PAICS: variants seen among roughly 807,000 people sequenced by gnomAD.
PAICS encodes the protein bifunctional phosphoribosylaminoimidazole carboxylase/phosphoribosylaminoimidazole succinocarboxamide synthetase.
PAICS carries 33 observed loss-of-function variants against 53.7 expected under a neutral mutation model. The observed-to-expected ratio is 0.61, with a 90% CI of 0.47 to 0.82. The LOEUF is 0.82. Among genes scored for constraint, PAICS ranks in the 40% least tolerant of loss-of-function variants. PAICS has a pLI of 0.00. For missense variants in PAICS, 394 were observed against 494.1 expected, an observed-to-expected ratio of 0.80 and a Z score of 1.92; for synonymous variants, 141 against 167.2, an observed-to-expected ratio of 0.84 and a Z score of 1.21.
chr4:56,437,748 G>A (rs1718090884), intron 1 of PAICS, among the ~76,000 whole-genome samples: 1 of 145,264 alleles, frequency 6.9e-6, no homozygotes, highest in Non-Finnish European at 1.5e-5. Flanking sequence ...TTGAACCGGG[G>A]AGTCAGAGGC....
At chr4:56,452,316 C>A (rs1013808731) in intron 7 of PAICS, among the ~76,000 whole-genome samples, 1 of 152,042 alleles carries the variant, frequency 6.6e-6, no homozygotes, top group Non-Finnish European at 1.5e-5. Flanking sequence ...GTAGCTGGGA[C>A]TACAGGCGCC....
chr4:56,450,922 A>C, intron 6 of PAICS: 1 of 398,210 alleles, frequency 2.5e-6, no homozygotes, highest in East Asian at 4.7e-5. Flanking sequence ...GGTTCACGCC[A>C]TTCTCCTAGC....
the PAICS span, chr4:56,414,175 C>T: frequency 1.3e-4 from 20 of 152,324 alleles, no homozygotes; most frequent in East Asian, 3.9e-3. Flanking sequence ...GCCCTCCTTG[C>T]ACCAGGTTTG....
chr4:56,426,083 TA>T, the PAICS span, among the ~76,000 whole-genome samples: 1 of 152,200 alleles, frequency 6.6e-6, no homozygotes, highest in African/African-American at 2.4e-5. Flanking sequence ...TATCCCATTT[TA>T]GAACATTTTG....
Position 56,459,671 on chromosome 4 carries a change from T to C in PAICS, c.*133T>C, listed in dbSNP as rs1719405562. ...AAATGTATTAGTGAATAAATGCTTC[T>C]CTAGATCCATATTAATAAACATGAG... On this transcript the variant is annotated 3_prime_UTR_variant, in exon 9 of 9. Coordinates refer to ENST00000512576, the MANE Select transcript of PAICS (RefSeq NM_001079524.2). The C allele has an allele frequency of 3.1e-6, 2 of 639,634 alleles. No individual in the cohort carries two copies. Among genetic ancestry groups the C allele is most frequent in the African/African-American group, 1.8e-5 (1 of 54,726 alleles). The allele number at this position is 639,634 out of a possible 1,614,324, so 39.6% of individuals were successfully genotyped here.
At chr4:56,426,561 C>T in the PAICS span, among the ~76,000 whole-genome samples, 1 of 152,160 alleles carries the variant, frequency 6.6e-6, no homozygotes, top group Non-Finnish European at 1.5e-5. Flanking sequence ...TGTCTGGCTT[C>T]TTTTGTTTCA....
the PAICS span, among the ~76,000 whole-genome samples, chr4:56,424,163 C>T: frequency 1.3e-5 from 2 of 152,086 alleles, no homozygotes; most frequent in East Asian, 3.9e-4. Flanking sequence ...AAAACCAGTC[C>T]CCCAAAAGTA....
Position 56,448,405 on chromosome 4 carries a change from A to G in PAICS, c.394-13A>G. 15 of 1,548,310 alleles carry G rather than the reference A, an allele frequency of 9.7e-6. No individual in the cohort carries two copies. The highest frequency in any genetic ancestry group is 1.2e-5 in the Non-Finnish European group (14 of 1,141,228). ...AGATTGAAGTTAATTGTACTACTATACTTTATTCACAGGATGATGCCAATA... is the reference window on the plus strand; with the variant it reads ...AGATTGAAGTTAATTGTACTACTATGCTTTATTCACAGGATGATGCCAATA... On this transcript the variant is annotated splice_polypyrimidine_tract_variant and intron_variant, in intron 3 of 8. Transcript: ENST00000512576.
chr4:56,426,020 A>G, the PAICS span, among the ~76,000 whole-genome samples: 1 of 152,190 alleles, frequency 6.6e-6, no homozygotes, highest in Non-Finnish European at 1.5e-5. Flanking sequence ...TCACCCAACT[A>G]AAGCGTATAA....
the PAICS span, among the ~76,000 whole-genome samples, chr4:56,429,905 T>C: frequency 6.6e-6 from 1 of 152,204 alleles, no homozygotes; most frequent in Non-Finnish European, 1.5e-5. Flanking sequence ...GATTCACCCA[T>C]GACTTTACTC....
At chr4:56,427,507 T>C in the PAICS span, among the ~76,000 whole-genome samples, 2 of 152,046 alleles carry the variant, frequency 1.3e-5, no homozygotes, top group African/African-American at 4.8e-5. Flanking sequence ...TTAAACACAT[T>C]TTCAAATTTC....
At chr4:56,443,033 A>C (rs2110084090) in intron 2 of PAICS, among the ~76,000 whole-genome samples, 1 of 152,304 alleles carries the variant, frequency 6.6e-6, no homozygotes, top group South Asian at 2.1e-4. Context: ...GATCTTCCAG[A>C]GTTCCTAAGT....
chr4:56,455,056 C>G (rs1047367054), intron 8 of PAICS, among the ~76,000 whole-genome samples: 2 of 152,110 alleles, frequency 1.3e-5, no homozygotes, highest in African/African-American at 4.8e-5. Context: ...TACTCAGAGG[C>G]TGAGGTAGGA....
chr4:56,439,379 G>A (rs1045157428), intron 1 of PAICS, among the ~76,000 whole-genome samples: 2 of 152,188 alleles, frequency 1.3e-5, no homozygotes, highest in Non-Finnish European at 2.9e-5. Flanking sequence ...AAGGATTACA[G>A]GCGTGCACCA....
At chr4:56,434,149 C>G (rs1364358786), upstream of PAICS, among the ~76,000 whole-genome samples, 2 of 152,174 alleles carry the variant, frequency 1.3e-5, no homozygotes, top group Non-Finnish European at 2.9e-5. Flanking sequence ...AAGATTGGAG[C>G]TACGCAAGTT....
At chr4:56,437,033 G>T (rs1021655517) in intron 1 of PAICS, among the ~76,000 whole-genome samples, 2 of 152,142 alleles carry the variant, frequency 1.3e-5, no homozygotes, top group African/African-American at 2.4e-5. Flanking sequence ...GGGGGCGTGT[G>T]TGTAAGTAGT....
rs748286211 is a variant in PAICS, at chr4:56,446,868, T to C, written c.388T>C (p.Phe130Leu). The change falls in exon 3 of 9, where the codon TTC (phenylalanine) becomes CTC (leucine). Residue 130 changes from phenylalanine to leucine, a missense_variant. Physicochemically the swap from Phe to Leu is conservative, Grantham distance 22. This residue lies in a region of PAICS where 168 missense variants were observed against 199.3 expected (regional missense o/e 0.84). Coordinates refer to ENST00000512576, the MANE Select transcript of PAICS (RefSeq NM_001079524.2). ...KFYPPKVELF[F>L]KDDANNDPQW... ...TTACCCACCTAAAGTGGAGTTGTTT[T>C]TCAAGGTAATTATCTTATGCCTCTG... The C allele has an allele frequency of 1.3e-5, 20 of 1,591,682 alleles. No individual in the cohort carries two copies. In the Admixed American group the frequency reaches 2.9e-4, roughly 23 times the overall value.
upstream of PAICS, among the ~76,000 whole-genome samples, chr4:56,433,782 C>G (rs962924902): frequency 6.6e-6 from 1 of 151,838 alleles, no homozygotes; most frequent in Non-Finnish European, 1.5e-5. Flanking sequence ...GGAACCTAAG[C>G]CTCCCGGGTT....
chr4:56,420,657 A>G, the PAICS span: 3 of 152,340 alleles, frequency 2.0e-5, no homozygotes, highest in African/African-American at 7.2e-5. Flanking sequence ...GCAACCCCAG[A>G]TGGCAGAAGT....
Sources: gnomAD v4.1 joint callset for allele counts (sites outside exome capture counted in the v4.1 genomes callset) on GRCh38, gnomAD v4.1.1 for gene constraint, gnomAD v4.1.1 regional missense constraint, MANE v1.5 for transcripts, NCBI Gene and HGNC (gene_info 2026-07-23, HGNC 2026-07-21) for gene names.